ERBB4: variants seen among roughly 807,000 people sequenced by gnomAD.
ERBB4 encodes erb-b2 receptor tyrosine kinase 4, also known as receptor tyrosine-protein kinase erbB-4.
A neutral mutation model predicts 158.0 loss-of-function variants in ERBB4; 42 were observed. The ratio of observed to expected loss-of-function variants is 0.27; its 90% CI spans 0.21 to 0.34. ERBB4 has a LOEUF of 0.34. Ranked by LOEUF, ERBB4 falls within the 10% of genes least tolerant of loss-of-function variation. The probability of loss-of-function intolerance (pLI) is 1.00; values close to 1 mark genes in which losing one functional copy is unlikely to be tolerated. For synonymous variants in ERBB4, 583 were observed against 558.7 expected, an observed-to-expected ratio of 1.04 and a Z score of -0.61; for missense variants, 1,333 against 1,624.1, an observed-to-expected ratio of 0.82 and a Z score of 3.08.
At chr2:211,503,290 C>T (rs2065662046) in intron 20 of ERBB4, among the ~76,000 whole-genome samples, 1 of 152,226 alleles carries the variant, frequency 6.6e-6, no homozygotes, top group South Asian at 2.1e-4. Flanking sequence ...ATGCCCTAAG[C>T]GGCTGCAGCT....
At chr2:211,711,312 TGA>T (rs1559445525) in intron 9 of ERBB4, among the ~76,000 whole-genome samples, 1 of 152,174 alleles carries the variant, frequency 6.6e-6, no homozygotes, top group East Asian at 1.9e-4. Flanking sequence ...TTAAAATATA[TGA>T]GAGATATTCT....
intron 3 of ERBB4, among the ~76,000 whole-genome samples, chr2:211,825,264 C>T (rs1209853945): frequency 3.3e-5 from 5 of 151,516 alleles, no homozygotes; most frequent in Admixed American, 2.0e-4. Flanking sequence ...AAGTAGTTAA[C>T]GGTAATGAAC....
intron 2 of ERBB4, among the ~76,000 whole-genome samples, chr2:212,098,972 G>C (rs962724086): frequency 6.6e-6 from 1 of 151,716 alleles, no homozygotes; most frequent in Non-Finnish European, 1.5e-5. Context: ...GAAAGCACTG[G>C]GCTATGCATA....
chr2:211,634,115 A>AT (rs2070262891), intron 16 of ERBB4, among the ~76,000 whole-genome samples: 1 of 152,114 alleles, frequency 6.6e-6, no homozygotes, highest in Non-Finnish European at 1.5e-5. Flanking sequence ...GTATTTTCTA[A>AT]TTTTTTATGA....
chr2:212,226,214 G>A (rs1023865995), intron 1 of ERBB4, among the ~76,000 whole-genome samples: 3 of 152,062 alleles, frequency 2.0e-5, no homozygotes, highest in African/African-American at 4.8e-5. Context: ...GTAAGAAAAT[G>A]GGGATCCTTG....
intron 1 of ERBB4, among the ~76,000 whole-genome samples, chr2:212,480,732 A>G (rs754378708): frequency 1.1e-4 from 17 of 152,252 alleles, no homozygotes; most frequent in Non-Finnish European, 2.5e-4. Flanking sequence ...TGCCTTGAGT[A>G]TCTCAAAATT....
At chr2:212,414,263 C>T (rs1210086991) in intron 1 of ERBB4, among the ~76,000 whole-genome samples, 3 of 152,168 alleles carry the variant, frequency 2.0e-5, no homozygotes, top group African/African-American at 7.2e-5. Flanking sequence ...TTTTGTAAAA[C>T]TTCTCAATTG....
intron 25 of ERBB4, among the ~76,000 whole-genome samples, chr2:211,389,654 T>C (rs764836990): frequency 7.9e-5 from 12 of 152,180 alleles, no homozygotes; most frequent in Non-Finnish European, 1.5e-4. Context: ...ATGCAATACA[T>C]AGGAGGTGCT....
chr2:211,658,699 C>T (rs1851184), intron 15 of ERBB4, among the ~76,000 whole-genome samples: 75,361 of 151,890 alleles, frequency 0.5, 19,129 homozygotes, highest in Middle Eastern at 0.61. Context: ...TAATAATGAA[C>T]GCAAACAATA....
chr2:211,978,988 A>AG (rs2081713638), intron 2 of ERBB4, among the ~76,000 whole-genome samples: 2 of 152,218 alleles, frequency 1.3e-5, no homozygotes, highest in African/African-American at 4.8e-5. Context: ...AGTGAAACAA[A>AG]ACATTAAGAC....
chr2:212,443,356 G>A (rs1338471036), intron 1 of ERBB4, among the ~76,000 whole-genome samples: 1 of 152,228 alleles, frequency 6.6e-6, no homozygotes, highest in East Asian at 1.9e-4. Flanking sequence ...TTGCATACCA[G>A]AGGATGGGAA....
intron 1 of ERBB4, among the ~76,000 whole-genome samples, chr2:212,362,637 A>G (rs1288367512): frequency 1.3e-5 from 2 of 151,052 alleles, no homozygotes; most frequent in African/African-American, 2.4e-5. Context: ...ATAAATTGCC[A>G]TATTTCAGAA....
intron 2 of ERBB4, among the ~76,000 whole-genome samples, chr2:212,051,413 C>T (rs1387450337): frequency 1.3e-5 from 2 of 152,062 alleles, no homozygotes; most frequent in African/African-American, 2.4e-5. Context: ...ACATCATGAA[C>T]TCACATAGTA....
At chr2:211,808,545 T>C (rs1416724894) in intron 3 of ERBB4, among the ~76,000 whole-genome samples, 2 of 152,206 alleles carry the variant, frequency 1.3e-5, no homozygotes, top group African/African-American at 4.8e-5. Flanking sequence ...GCAGTATAGT[T>C]TGAAGTCAGG....
intron 7 of ERBB4, among the ~76,000 whole-genome samples, chr2:211,720,480 G>T (rs935443474): frequency 6.6e-6 from 1 of 152,154 alleles, no homozygotes; most frequent in Non-Finnish European, 1.5e-5. Flanking sequence ...TTTTGTCACC[G>T]GGAATCTCTA....
chr2:212,252,313 A>G (rs2084568921), intron 1 of ERBB4, among the ~76,000 whole-genome samples: 1 of 152,054 alleles, frequency 6.6e-6, no homozygotes, highest in South Asian at 2.1e-4. Context: ...CAAATGAATG[A>G]AAGAGATTAA....
chr2:211,730,476 C>CTCTG (rs912622018), intron 5 of ERBB4, among the ~76,000 whole-genome samples: 1 of 151,938 alleles, frequency 6.6e-6, no homozygotes, highest in African/African-American at 2.4e-5. Flanking sequence ...TCCCTATCTC[C>CTCTG]TCTGTCTTCT....
chr2:211,623,024 TATATATATATATATATATATAA>T (rs1436469356), intron 18 of ERBB4, among the ~76,000 whole-genome samples: 6 of 70,568 alleles, frequency 8.5e-5, no homozygotes, highest in African/African-American at 3.2e-4. Flanking sequence ...TATATATATA[TATATATATATATATATATATAA>T]AATGCCAAAG....
intron 1 of ERBB4, among the ~76,000 whole-genome samples, chr2:212,168,370 T>C (rs1440315291): frequency 9.2e-5 from 14 of 152,154 alleles, no homozygotes; most frequent in Admixed American, 8.5e-4. Flanking sequence ...ATTAGAATTA[T>C]TCTTCTTGCA....
Sources: gnomAD v4.1 joint callset for allele counts (sites outside exome capture counted in the v4.1 genomes callset) on GRCh38, gnomAD v4.1.1 for gene constraint, MANE v1.5 for transcripts, NCBI Gene and HGNC (gene_info 2026-07-23, HGNC 2026-07-21) for gene names.